Variants in GRAMD1C observed in about 807,000 individuals in gnomAD.
The protein encoded by GRAMD1C is protein Aster-C.
In GRAMD1C, 89 loss-of-function variants were observed where a neutral mutation model predicts 97.8. That is an observed-to-expected ratio of 0.91 (90% CI 0.77 to 1.09). The LOEUF (loss-of-function observed/expected upper bound fraction) is 1.09, where lower values mean the gene tolerates loss of function less well. GRAMD1C is among the 50% of genes least tolerant of loss of function. The pLI is 0.00. For synonymous variants in GRAMD1C, 256 were observed against 267.0 expected, an observed-to-expected ratio of 0.96 and a Z score of 0.40; for missense variants, 740 against 766.4, an observed-to-expected ratio of 0.97 and a Z score of 0.41.
intron 2 of GRAMD1C, among the ~76,000 whole-genome samples, chr3:113,865,321 T>C (rs1934543709): frequency 6.6e-6 from 1 of 152,150 alleles, no homozygotes; most frequent in Non-Finnish European, 1.5e-5. Flanking sequence ...AACATGAGTG[T>C]TGACGGGGAC....
At chr3:113,882,109 T>A (rs956140085) in intron 5 of GRAMD1C, among the ~76,000 whole-genome samples, 1 of 152,168 alleles carries the variant, frequency 6.6e-6, no homozygotes, top group Non-Finnish European at 1.5e-5. Context: ...TTGCATTTTC[T>A]TATAAAAGCC....
chr3:113,856,358 A>G lies in GRAMD1C; in HGVS notation c.174+11709A>G, dbSNP rs959817313. ...CCCCAATAGTAACATCTGTAAAACT[A>G]TAGTACAATATCACAATTAAGCTAT... is the stretch of plus-strand genomic sequence containing the variant. On this transcript the variant is annotated intron_variant, in intron 2 of 17. Transcript: ENST00000358160. 3.9e-5 allele frequency among the ~76,000 whole-genome samples: 6 copies of G among 152,202 alleles called. No homozygotes were observed. In the East Asian group the frequency reaches 1.2e-3, roughly 29 times the overall value.
At chr3:113,861,938 A>G (rs111783923) in intron 2 of GRAMD1C, among the ~76,000 whole-genome samples, 17,893 of 152,172 alleles carry the variant, frequency 0.12, 1,353 homozygotes, top group South Asian at 0.27. Context: ...ACATGTCAGC[A>G]GGTTCTGTGA....
chr3:113,920,119 A>G, intron 10 of GRAMD1C: 2 of 1,386,466 alleles, frequency 1.4e-6, no homozygotes, highest in Non-Finnish European at 2.0e-6. Flanking sequence ...CTCCTGAAAA[A>G]CTGAGGAAAC....
At chr3:113,932,975 G>T (rs1364328903) in intron 11 of GRAMD1C, among the ~76,000 whole-genome samples, 2 of 150,876 alleles carry the variant, frequency 1.3e-5, no homozygotes, top group African/African-American at 2.4e-5. Context: ...TCTGCCTCCT[G>T]GGTTCAAGTG....
At chr3:113,896,376 A>C (rs974677269) in intron 6 of GRAMD1C, among the ~76,000 whole-genome samples, 1 of 150,860 alleles carries the variant, frequency 6.6e-6, no homozygotes, top group African/African-American at 2.4e-5. Flanking sequence ...CCACTCCTCT[A>C]TTTTCTCTTT....
intron 10 of GRAMD1C, among the ~76,000 whole-genome samples, chr3:113,928,910 G>C (rs1937318552): frequency 6.6e-6 from 1 of 152,148 alleles, no homozygotes; most frequent in South Asian, 2.1e-4. Context: ...GTTAGCTACT[G>C]TAAATAATGC....
intron 6 of GRAMD1C, among the ~76,000 whole-genome samples, chr3:113,899,000 C>G (rs1243796696): frequency 6.6e-6 from 1 of 151,414 alleles, no homozygotes; most frequent in Non-Finnish European, 1.5e-5. Flanking sequence ...ACATAACAAA[C>G]AAAGATGCCA....
intron 6 of GRAMD1C, among the ~76,000 whole-genome samples, chr3:113,895,063 G>A (rs932354396): frequency 1.3e-5 from 2 of 152,146 alleles, no homozygotes; most frequent in Non-Finnish European, 2.9e-5. Context: ...TAGGACTTAG[G>A]ACAGAAAAGT....
At chr3:113,920,622 A>G (rs1016569035) in intron 10 of GRAMD1C, among the ~76,000 whole-genome samples, 18 of 151,844 alleles carry the variant, frequency 1.2e-4, no homozygotes, top group African/African-American at 3.9e-4. Context: ...GCTCACTGCA[A>G]CCTCCGCCTC....
At chr3:113,932,147 T>G (rs1937456493) in intron 11 of GRAMD1C, among the ~76,000 whole-genome samples, 1 of 152,226 alleles carries the variant, frequency 6.6e-6, no homozygotes, top group South Asian at 2.1e-4. Context: ...TTAGCCAATT[T>G]GTGCTGAGTA....
chr3:113,869,901 A>G (rs1040577898), intron 3 of GRAMD1C, among the ~76,000 whole-genome samples: 7 of 152,198 alleles, frequency 4.6e-5, no homozygotes, highest in Non-Finnish European at 1.0e-4. Flanking sequence ...CATAAATGCA[A>G]TGAAATATTA....
chr3:113,945,190 A>C (rs1250593277), intron 17 of GRAMD1C, among the ~76,000 whole-genome samples: 1 of 152,216 alleles, frequency 6.6e-6, no homozygotes, highest in Non-Finnish European at 1.5e-5. Context: ...GAAGAAGTAC[A>C]ATACTCCAGC....
chr3:113,909,650 T>C (rs1577193106), intron 9 of GRAMD1C, among the ~76,000 whole-genome samples: 1 of 152,372 alleles, frequency 6.6e-6, no homozygotes, highest in South Asian at 2.1e-4. Context: ...AAGGTTTTTC[T>C]AAACTTGTTT....
At chr3:113,829,875 T>C (rs1432580434) in intron 1 of GRAMD1C, among the ~76,000 whole-genome samples, 2 of 152,128 alleles carry the variant, frequency 1.3e-5, no homozygotes, top group East Asian at 3.8e-4. Context: ...TCTGGGGTAA[T>C]ACCTGAGGTT....
At chr3:113,935,021 G>T (rs1156738645) in intron 13 of GRAMD1C, among the ~76,000 whole-genome samples, 5 of 152,168 alleles carry the variant, frequency 3.3e-5, no homozygotes, top group African/African-American at 9.7e-5. Context: ...GATTACAGGT[G>T]TGAGGCACCA....
chr3:113,877,275 T>G (rs941377572), intron 5 of GRAMD1C, among the ~76,000 whole-genome samples: 1 of 152,258 alleles, frequency 6.6e-6, no homozygotes, highest in African/African-American at 2.4e-5. Context: ...TTCTGGCATG[T>G]ACTTCCAACA....
At chr3:113,904,407 T>G (rs1016713014) in intron 8 of GRAMD1C, 135 bp downstream of exon 8, 1 of 638,340 alleles carries the variant, frequency 1.6e-6, no homozygotes, top group African/African-American at 1.8e-5. Flanking sequence ...AGGAAAAAAG[T>G]TTAAAGTCTG....
chr3:113,859,047 T>A (rs2566990), intron 2 of GRAMD1C, among the ~76,000 whole-genome samples: 19,041 of 152,216 alleles, frequency 0.13, 1,606 homozygotes, highest in African/African-American at 0.24. Flanking sequence ...GTTTTATTGA[T>A]ATTCTCCATT....
Sources: allele counts gnomAD v4.1 joint callset (sites outside exome capture counted in the v4.1 genomes callset), GRCh38; gene constraint gnomAD v4.1.1; transcripts MANE v1.5; gene names NCBI Gene and HGNC (gene_info 2026-07-23, HGNC 2026-07-21).